Variants in ZNF280D observed in about 807,000 individuals in gnomAD.
ZNF280D encodes the protein suppressor of hairy wing homolog 4.
ZNF280D carries 39 observed loss-of-function variants against 94.7 expected under a neutral mutation model. That is an observed-to-expected ratio of 0.41 (90% CI 0.32 to 0.54). The LOEUF (loss-of-function observed/expected upper bound fraction) is 0.54. Ranked by LOEUF, ZNF280D falls within the 20% of genes least tolerant of loss-of-function variation. The pLI is 0.22. For synonymous variants in ZNF280D, 398 were observed against 377.6 expected (o/e 1.05, Z -0.63); for missense variants, 1,090 against 1,149.3 (o/e 0.95, Z 0.75).
intron 9 of ZNF280D, among the ~76,000 whole-genome samples, chr15:56,683,320 CAAAT>C (rs1486412199): frequency 2.6e-5 from 4 of 151,960 alleles, no homozygotes; most frequent in Non-Finnish European, 5.9e-5. Context: ...TCCAAAAAAA[CAAAT>C]AAGCACCTTA....
intron 1 of ZNF280D, chr15:56,729,935 A>AT (rs1182831512): frequency 6.6e-6 from 1 of 152,160 alleles, no homozygotes; most frequent in Non-Finnish European, 1.5e-5. Flanking sequence ...CATGAAATAG[A>AT]TTTTTTATTT....
chr15:56,704,876 G>A (rs1596579888), intron 3 of ZNF280D, among the ~76,000 whole-genome samples: 1 of 152,048 alleles, frequency 6.6e-6, no homozygotes, highest in East Asian at 1.9e-4. Flanking sequence ...CCAGCTCCTT[G>A]GGAGGCTGAG....
chr15:56,671,415 C>G (rs1241149441), intron 13 of ZNF280D, among the ~76,000 whole-genome samples: 4 of 152,054 alleles, frequency 2.6e-5, no homozygotes, highest in African/African-American at 9.7e-5. Context: ...TCCCAATGAC[C>G]ATTTATTGAA....
chr15:56,656,635 C>T (rs2053571074), intron 17 of ZNF280D, among the ~76,000 whole-genome samples: 1 of 152,136 alleles, frequency 6.6e-6, no homozygotes. Flanking sequence ...AGCTACTAGT[C>T]TAACATCACA....
chr15:56,723,671 C>G (rs193202786), intron 1 of ZNF280D, among the ~76,000 whole-genome samples: 1 of 152,074 alleles, frequency 6.6e-6, no homozygotes, highest in African/African-American at 2.4e-5. Flanking sequence ...TTCCCCAACC[C>G]TATAGACTTC....
At position 56,710,399 on chromosome 15, in the gene ZNF280D, C is replaced by G. The variant is rs542116127; in HGVS notation, c.-85-3093G>C. ...CTCCAGCCTGGGCAAGAGAGCAAGA[C>G]TCTGTCTCTCGAAAAAATAAAATAA... is the stretch of plus-strand genomic sequence containing the variant. On this transcript the variant is annotated intron_variant, in intron 1 of 21. Transcript: ENST00000267807. 4.0e-5 allele frequency among the ~76,000 whole-genome samples: 6 copies of G among 151,670 alleles called. No homozygotes were observed. The South Asian group carries it at 1.2e-3, about 32-fold the overall frequency.
At position 56,682,298 on chromosome 15, in the gene ZNF280D, G is replaced by A. The variant is rs2055671843; in HGVS notation, c.960C>T (p.Thr320=). 6.3e-7 allele frequency: 1 copy of A among 1,587,176 alleles called. No individual in the cohort carries two copies. The highest frequency in any genetic ancestry group is 8.5e-7 in the Non-Finnish European group (1 of 1,172,476). ...DVQEEQKTHT[T]FKCFSCLKIL... The stretch of plus-strand genomic sequence containing the variant: ...TTTTCAAGCAACTGAAGCATTTAAA[G>A]GTTGTGTGAGTCTTCTGTTCCTCCT... Residue 320 remains threonine (T), a synonymous_variant, in exon 10 of 22, where the codon ACC becomes ACT. Coordinates refer to ENST00000267807, the MANE Select transcript of ZNF280D (RefSeq NM_017661.4).
chr15:56,642,135 C>A lies in ZNF280D; in HGVS notation c.2259+817G>T, dbSNP rs538572867. 3.3e-5 allele frequency among the ~76,000 whole-genome samples: 5 copies of A among 151,550 alleles called. No homozygotes were observed. The South Asian group carries it at 1.0e-3, about 31-fold the overall frequency. Reference sequence around the variant, plus strand: ...AAAATGAACCCATTCCTCAAAAAAACTACAAACTACCAAAACTCCCTCAAG... The same window carrying A: ...AAAATGAACCCATTCCTCAAAAAAAATACAAACTACCAAAACTCCCTCAAG... On this transcript the variant is annotated intron_variant, in intron 20 of 21. Transcript: ENST00000267807.
At chr15:56,654,279 TATG>T (rs1342983406) in intron 18 of ZNF280D, 45 bp from the exon 19 acceptor site, 1 of 1,602,048 alleles carries the variant, frequency 6.2e-7, no homozygotes, top group African/African-American at 1.3e-5. Context: ...GCATATGAAA[TATG>T]ATGAGTGAGA....
intron 16 of ZNF280D, among the ~76,000 whole-genome samples, chr15:56,659,698 TC>T (rs1441868309): frequency 2.0e-5 from 3 of 151,742 alleles, no homozygotes; most frequent in Non-Finnish European, 4.4e-5. Context: ...AATGTAGTCT[TC>T]CCCCACCAAC....
intron 3 of ZNF280D, among the ~76,000 whole-genome samples, chr15:56,705,950 T>A (rs1721538982): frequency 1.3e-5 from 2 of 151,222 alleles, no homozygotes; most frequent in South Asian, 4.2e-4. Context: ...ATTATTTATA[T>A]CCAGTTGGTA....
intron 17 of ZNF280D, among the ~76,000 whole-genome samples, chr15:56,656,047 A>C (rs2053530570): frequency 6.6e-6 from 1 of 152,180 alleles, no homozygotes; most frequent in Non-Finnish European, 1.5e-5. Flanking sequence ...CCAGATCACT[A>C]CAAGAACTGT....
chr15:56,658,392 A>G (rs1193428814), intron 17 of ZNF280D, 32 bp downstream of exon 17: 21 of 1,534,816 alleles, frequency 1.4e-5, no homozygotes, highest in Non-Finnish European at 1.9e-5. Context: ...CAATTTTTCA[A>G]TAGAAAGAGT....
chr15:56,643,011 T>C lies in ZNF280D; in HGVS notation c.2214-14A>G. The C allele has an allele frequency of 6.8e-7, 1 of 1,468,964 alleles. No individual in the cohort carries two copies. Among genetic ancestry groups the C allele is most frequent in the Non-Finnish European group, 9.1e-7 (1 of 1,104,566 alleles). 91.0% of individuals were successfully genotyped at this position (1,468,964 alleles called of 1,614,324 possible). ...TCTTTTTTTAATCTTGAAAACAAGA[T>C]AAGTATTGAATATTTTATTTTATAT... On this transcript the variant is annotated splice_polypyrimidine_tract_variant and intron_variant, in intron 19 of 21. Coordinates refer to ENST00000267807, the MANE Select transcript of ZNF280D (RefSeq NM_017661.4).
intron 9 of ZNF280D, among the ~76,000 whole-genome samples, chr15:56,686,800 C>T (rs866016206): frequency 8.6e-5 from 13 of 150,916 alleles, no homozygotes; most frequent in African/African-American, 2.2e-4. Context: ...AAGCTAGTTA[C>T]GCCAGTTAAT....
At chr15:56,702,726 TC>T (rs1285246396) in intron 4 of ZNF280D, among the ~76,000 whole-genome samples, 3 of 152,218 alleles carry the variant, frequency 2.0e-5, no homozygotes, top group Non-Finnish European at 4.4e-5. Flanking sequence ...CACTTAGCAT[TC>T]CATGAGAGAT....
intron 1 of ZNF280D, among the ~76,000 whole-genome samples, chr15:56,731,738 A>G (rs957614716): frequency 3.3e-5 from 5 of 152,206 alleles, no homozygotes; most frequent in Admixed American, 2.6e-4. Context: ...AAACGTTCAG[A>G]AAACAGAATG....
chr15:56,647,989 T>C (rs1370802580), intron 19 of ZNF280D, among the ~76,000 whole-genome samples: 6 of 152,184 alleles, frequency 3.9e-5, no homozygotes, highest in African/African-American at 1.4e-4. Context: ...ATTATTCAAC[T>C]ACCCCCATCT....
intron 6 of ZNF280D, among the ~76,000 whole-genome samples, chr15:56,694,143 G>C (rs529738810): frequency 2.9e-4 from 44 of 152,126 alleles, no homozygotes; most frequent in African/African-American, 8.2e-4. Flanking sequence ...GGAGTGAAAA[G>C]TATGAGATGA....
Sources: allele counts gnomAD v4.1 joint callset (sites outside exome capture counted in the v4.1 genomes callset), GRCh38; gene constraint gnomAD v4.1.1; transcripts MANE v1.5; gene names NCBI Gene and HGNC (gene_info 2026-07-23, HGNC 2026-07-21).